Variants in ABLIM1 observed in about 807,000 individuals in gnomAD.
The protein encoded by ABLIM1 is actin binding LIM protein 1, also known as actin-binding LIM protein 1.
Under a neutral mutation model 107.0 loss-of-function variants are expected in ABLIM1, and 40 were observed. The observed-to-expected ratio is 0.37, with a 90% confidence interval of 0.29 to 0.49. The LOEUF is 0.49. ABLIM1 is among the 20% of genes least tolerant of loss of function. ABLIM1 has a pLI of 0.97. For synonymous variants in ABLIM1, 357 were observed against 357.3 expected, an observed-to-expected ratio of 1.00 and a Z score of 0.01; for missense variants, 857 against 1,008.5, an observed-to-expected ratio of 0.85 and a Z score of 2.04.
intron 6 of ABLIM1, among the ~76,000 whole-genome samples, chr10:114,509,909 A>G (rs1363881922): frequency 6.6e-6 from 1 of 152,240 alleles, no homozygotes; most frequent in Middle Eastern, 3.2e-3. Context: ...ATGGCGGAAG[A>G]TGAAGAAAGA....
chr10:114,704,271 GCT>G (rs1215619815), intron 1 of ABLIM1, among the ~76,000 whole-genome samples: 1,091 of 40,866 alleles, frequency 0.027, 23 homozygotes, highest in Middle Eastern at 0.044. Context: ...TCTCTCTCTC[GCT>G]CTCTCTCTCT....
At chr10:114,742,999 G>A (rs189140937) in intron 1 of ABLIM1, among the ~76,000 whole-genome samples, 8 of 152,274 alleles carry the variant, frequency 5.3e-5, no homozygotes, top group Admixed American at 4.6e-4. Flanking sequence ...AAAAGTCTTA[G>A]AACATTGCTT....
intron 1 of ABLIM1, among the ~76,000 whole-genome samples, chr10:114,653,800 G>A (rs999972155): frequency 1.8e-4 from 28 of 152,132 alleles, no homozygotes; most frequent in Non-Finnish European, 2.6e-4. Context: ...TATTTTGTAT[G>A]TTCACTGATA....
At chr10:114,520,555 T>G (rs904736443) in intron 6 of ABLIM1, among the ~76,000 whole-genome samples, 1 of 151,990 alleles carries the variant, frequency 6.6e-6, no homozygotes, top group Non-Finnish European at 1.5e-5. Context: ...TGGATTAAAG[T>G]GCCATGTGAC....
intron 4 of ABLIM1, among the ~76,000 whole-genome samples, chr10:114,558,212 C>T (rs918128894): frequency 4.6e-5 from 7 of 152,120 alleles, no homozygotes; most frequent in African/African-American, 1.2e-4. Flanking sequence ...AGTGTTCCCC[C>T]GCCCCCCCAT....
At chr10:114,587,441 T>G in intron 2 of ABLIM1, among the ~76,000 whole-genome samples, 1 of 152,224 alleles carries the variant, frequency 6.6e-6, no homozygotes. Context: ...ATCTGATTTT[T>G]TTTTAATTTT....
Position 114,720,730 on chromosome 10 carries a change from T to TA in ABLIM1, c.-213+47330dup, listed in dbSNP as rs1045851261. 6.8e-3 allele frequency among the ~76,000 whole-genome samples: 961 copies of TA among 140,938 alleles called. 5 individuals carry two copies. Among genetic ancestry groups the TA allele is most frequent in the Non-Finnish European group, 0.01 (652 of 63,866 alleles). 92.5% of individuals were successfully genotyped at this position (140,938 alleles called of 152,430 possible). On this transcript the variant is annotated intron_variant, in intron 1 of 15. Coordinates refer to the ABLIM1 transcript ENST00000651092. ...CAAGACAGGGAAAAATGCATTGAAA[T>TA]AAAAAAAAAAAGCAAGCATAAAAAC... is the stretch of plus-strand genomic sequence containing the variant.
intron 1 of ABLIM1, among the ~76,000 whole-genome samples, chr10:114,731,180 G>A (rs532937012): frequency 1.6e-4 from 24 of 152,162 alleles, no homozygotes; most frequent in East Asian, 7.7e-4. Context: ...TCACTCTGTC[G>A]CCCAGGCTGG....
intron 1 of ABLIM1, among the ~76,000 whole-genome samples, chr10:114,704,302 CTATATATATATA>C (rs369952218): frequency 0.011 from 460 of 43,086 alleles, 16 homozygotes; most frequent in Middle Eastern, 0.031. Context: ...CTCTCTCTCT[CTATATATATATA>C]TATATATATA....
At chr10:114,715,257 T>C (rs1433921549) in intron 1 of ABLIM1, among the ~76,000 whole-genome samples, 2 of 152,188 alleles carry the variant, frequency 1.3e-5, no homozygotes, top group East Asian at 3.9e-4. Context: ...CCAGTCATCT[T>C]AGTTGCTCTG....
chr10:114,775,294 G>T, the ABLIM1 span, among the ~76,000 whole-genome samples: 1 of 152,160 alleles, frequency 6.6e-6, no homozygotes, highest in African/African-American at 2.4e-5. Flanking sequence ...TTCGAGATGA[G>T]ATTTGGGTGG....
intron 4 of ABLIM1, among the ~76,000 whole-genome samples, chr10:114,559,220 G>A: frequency 6.6e-6 from 1 of 151,926 alleles, no homozygotes; most frequent in East Asian, 1.9e-4. Flanking sequence ...ATAGCAAGAG[G>A]AAAATGGGAA....
intron 6 of ABLIM1, 126 bp downstream of exon 6, chr10:114,544,879 C>A (rs924013543): frequency 2.3e-5 from 19 of 840,168 alleles, no homozygotes; most frequent in Admixed American, 3.7e-5. Context: ...TAGTCACCTG[C>A]GACTACTTTC....
chr10:114,761,684 A>G (rs886518114), intron 1 of ABLIM1, among the ~76,000 whole-genome samples: 4 of 151,624 alleles, frequency 2.6e-5, no homozygotes, highest in Admixed American at 1.3e-4. Flanking sequence ...CCTTTCCCCA[A>G]AGTGCCCTCT....
intron 4 of ABLIM1, among the ~76,000 whole-genome samples, chr10:114,562,874 A>G (rs755239358): frequency 5.3e-5 from 8 of 152,186 alleles, no homozygotes; most frequent in Non-Finnish European, 1.2e-4. Context: ...AACAAACAAA[A>G]AAACCAGTCC....
At chr10:114,539,041 T>C (rs1342557700) in intron 6 of ABLIM1, among the ~76,000 whole-genome samples, 1 of 152,238 alleles carries the variant, frequency 6.6e-6, no homozygotes, top group Non-Finnish European at 1.5e-5. Flanking sequence ...TTGTCAAGAA[T>C]AGATTCAACC....
At chr10:114,756,534 C>T (rs930186170) in intron 1 of ABLIM1, among the ~76,000 whole-genome samples, 1 of 152,028 alleles carries the variant, frequency 6.6e-6, no homozygotes, top group Non-Finnish European at 1.5e-5. Context: ...TCTTATCATC[C>T]AAGAGCCTAG....
chr10:114,436,441 T>C, intron 22 of ABLIM1, 68 bp from the exon 23 acceptor site: 1 of 1,180,424 alleles, frequency 8.5e-7, no homozygotes, highest in Non-Finnish European at 1.2e-6. Flanking sequence ...CCTTGAGCGT[T>C]GCTCTATAGT....
At chr10:114,660,900 TC>T (rs1364157686), upstream of ABLIM1, among the ~76,000 whole-genome samples, 1 of 152,212 alleles carries the variant, frequency 6.6e-6, no homozygotes, top group East Asian at 1.9e-4. Flanking sequence ...AAAAGGTAAC[TC>T]TTCCATAACA....
Sources: gnomAD v4.1 joint callset for allele counts (sites outside exome capture counted in the v4.1 genomes callset) on GRCh38, gnomAD v4.1.1 for gene constraint, MANE v1.5 for transcripts, NCBI Gene and HGNC (gene_info 2026-07-23, HGNC 2026-07-21) for gene names.